The following MYO16 variants were observed in gnomAD, a reference collection of about 807,000 sequenced individuals.
MYO16 encodes the protein unconventional myosin-XVI.
In MYO16, 94 loss-of-function variants were observed where a neutral mutation model predicts 205.3. The observed-to-expected ratio is 0.46, with a 90% CI of 0.39 to 0.54. MYO16 has a LOEUF of 0.54. Among genes scored for constraint, MYO16 ranks in the 20% least tolerant of loss-of-function variants. The pLI is 0.00. For missense variants in MYO16, 2,315 were observed against 2,387.5 expected, an observed-to-expected ratio of 0.97 and a Z score of 0.63; for synonymous variants, 988 against 954.0, an observed-to-expected ratio of 1.04 and a Z score of -0.66.
chr13:108,569,352 T>G, the MYO16 span, among the ~76,000 whole-genome samples: 1 of 152,278 alleles, frequency 6.6e-6, no homozygotes, highest in Non-Finnish European at 1.5e-5. Flanking sequence ...TTTTTTTGGT[T>G]TTAGGATACA....
chr13:108,622,759 G>A (rs1879593048), intron 1 of MYO16, among the ~76,000 whole-genome samples: 1 of 152,040 alleles, frequency 6.6e-6, no homozygotes, highest in Non-Finnish European at 1.5e-5. Context: ...TGGGAAACAT[G>A]AAGTCGTGGA....
intron 5 of MYO16, among the ~76,000 whole-genome samples, chr13:108,791,495 C>T (rs926326505): frequency 1.8e-4 from 27 of 152,250 alleles, no homozygotes; most frequent in Admixed American, 7.2e-4. Flanking sequence ...TATCAAGCAA[C>T]GGACAAATCA....
At chr13:109,073,181 A>C (rs1030346095) in intron 27 of MYO16, among the ~76,000 whole-genome samples, 3 of 150,692 alleles carry the variant, frequency 2.0e-5, no homozygotes, top group African/African-American at 7.3e-5. Context: ...AGCTCACTGG[A>C]ACCTCCTCCT....
At chr13:109,017,017 C>T (rs1566462870) in intron 22 of MYO16, among the ~76,000 whole-genome samples, 1 of 152,106 alleles carries the variant, frequency 6.6e-6, no homozygotes, top group African/African-American at 2.4e-5. Flanking sequence ...ATGCTGTTAG[C>T]TGGTTATTTT....
intron 3 of MYO16, among the ~76,000 whole-genome samples, chr13:108,719,664 C>T (rs957568777): frequency 6.6e-6 from 1 of 152,210 alleles, no homozygotes; most frequent in African/African-American, 2.4e-5. Context: ...CCAGGCCGCA[C>T]CCACTTGTTC....
At chr13:108,786,717 C>T (rs1309964824) in intron 5 of MYO16, among the ~76,000 whole-genome samples, 1 of 152,170 alleles carries the variant, frequency 6.6e-6, no homozygotes, top group African/African-American at 2.4e-5. Context: ...TCTGTGAAAG[C>T]AAGGTAGGTG....
chr13:108,573,918 A>G, the MYO16 span, among the ~76,000 whole-genome samples: 2 of 152,092 alleles, frequency 1.3e-5, no homozygotes, highest in Admixed American at 6.6e-5. Flanking sequence ...TGGCACAATC[A>G]TGACTCACTG....
intron 2 of MYO16, among the ~76,000 whole-genome samples, chr13:108,676,380 T>C (rs1298127179): frequency 3.1e-5 from 4 of 127,518 alleles, no homozygotes; most frequent in South Asian, 6.3e-4. Flanking sequence ...CGCGTGTGTG[T>C]GTGTGTGTGT....
In MYO16 at chr13:108,827,560, C is replaced by T. The variant is rs372238068; in HGVS notation, c.1097+4282C>T. Among the ~76,000 whole-genome samples, 134 of 152,270 alleles carry T rather than the reference C, an allele frequency of 8.8e-4. 1 individual carries two copies. The highest frequency in any genetic ancestry group is 3.1e-3 in the African/African-American group (127 of 41,572). ...CCAATCAGCATTCCTAAGTTTTCCC[C>T]ATGTTGCCTGACTTTCAAGCTCATG... is the stretch of plus-strand genomic sequence containing the variant. On this transcript the variant is annotated intron_variant, in intron 9 of 34. Transcript: ENST00000457511.
At chr13:108,904,830 A>G (rs1167901251) in intron 15 of MYO16, among the ~76,000 whole-genome samples, 1 of 152,112 alleles carries the variant, frequency 6.6e-6, no homozygotes, top group Non-Finnish European at 1.5e-5. Context: ...AAAGGGAATG[A>G]CAATTCTTTC....
chr13:109,174,899 A>C (rs138272163), intron 33 of MYO16, among the ~76,000 whole-genome samples: 7 of 149,020 alleles, frequency 4.7e-5, no homozygotes, highest in Admixed American at 3.4e-4. Flanking sequence ...CTACAGGCGC[A>C]TGCCACCACA....
At chr13:108,918,001 C>T (rs1881574960) in intron 16 of MYO16, among the ~76,000 whole-genome samples, 1 of 152,218 alleles carries the variant, frequency 6.6e-6, no homozygotes, top group African/African-American at 2.4e-5. Context: ...TGTTAACTAA[C>T]CAGCATGGGG....
chr13:108,907,935 A>G (rs143722741), intron 15 of MYO16, among the ~76,000 whole-genome samples: 11 of 152,346 alleles, frequency 7.2e-5, no homozygotes, highest in Non-Finnish European at 1.3e-4. Flanking sequence ...AGGCTAGAAA[A>G]AATGGAAGAT....
At chr13:108,845,388 G>C (rs1877467010) in intron 10 of MYO16, among the ~76,000 whole-genome samples, 1 of 152,104 alleles carries the variant, frequency 6.6e-6, no homozygotes, top group Admixed American at 6.6e-5. Flanking sequence ...GGAGGCATCT[G>C]GATTCTGAGG....
At chr13:108,701,905 A>C (rs896712713) in intron 2 of MYO16, among the ~76,000 whole-genome samples, 1 of 152,246 alleles carries the variant, frequency 6.6e-6, no homozygotes, top group Non-Finnish European at 1.5e-5. Context: ...GTTGAAAAGC[A>C]CAGTAACTAA....
At chr13:108,999,022 G>T (rs576939004) in intron 21 of MYO16, among the ~76,000 whole-genome samples, 2 of 152,300 alleles carry the variant, frequency 1.3e-5, no homozygotes, top group Non-Finnish European at 2.9e-5. Context: ...GTTCAGAGAG[G>T]TGGGTAAATT....
chr13:109,110,629 C>T (rs1046637301), intron 28 of MYO16, among the ~76,000 whole-genome samples: 10 of 152,098 alleles, frequency 6.6e-5, no homozygotes, highest in South Asian at 2.1e-4. Flanking sequence ...CCTTTGAGAA[C>T]GTTTAAAAGT....
the MYO16 span, among the ~76,000 whole-genome samples, chr13:108,536,043 G>A: frequency 6.6e-6 from 1 of 151,700 alleles, no homozygotes; most frequent in African/African-American, 2.4e-5. Context: ...GTGCATGTGT[G>A]TGTGCACGTG....
chr13:109,073,280 TTTG>T (rs1163162904), intron 27 of MYO16, among the ~76,000 whole-genome samples: 2 of 151,672 alleles, frequency 1.3e-5, no homozygotes, highest in African/African-American at 2.4e-5. Context: ...TTTTTTTTTT[TTTG>T]TATCTTTTTA....
Sources: gnomAD v4.1 joint callset for allele counts (sites outside exome capture counted in the v4.1 genomes callset) on GRCh38, gnomAD v4.1.1 for gene constraint, MANE v1.5 for transcripts, NCBI Gene and HGNC (gene_info 2026-07-23, HGNC 2026-07-21) for gene names.